PAK5: variants seen among roughly 807,000 people sequenced by gnomAD.
PAK5 encodes the protein serine/threonine-protein kinase PAK 5.
In PAK5, 16 loss-of-function variants were observed where a neutral mutation model predicts 65.9. The observed-to-expected ratio is 0.24, with a 90% CI of 0.16 to 0.37. The LOEUF is 0.37. PAK5 is among the 10% of genes least tolerant of loss of function. PAK5 has a pLI of 1.00. For missense variants in PAK5, 785 were observed against 903.9 expected (o/e 0.87, Z 1.69); for synonymous variants, 371 against 354.9 (o/e 1.05, Z -0.51).
intron 3 of PAK5, among the ~76,000 whole-genome samples, chr20:9,585,482 C>G (rs1384521854): frequency 6.6e-6 from 1 of 152,158 alleles, no homozygotes; most frequent in Non-Finnish European, 1.5e-5. Context: ...ACATCACAAC[C>G]CAGCAAATTG....
chr20:9,826,094 G>T (rs538848814), intron 1 of PAK5, among the ~76,000 whole-genome samples: 1 of 152,292 alleles, frequency 6.6e-6, no homozygotes, highest in African/African-American at 2.4e-5. Flanking sequence ...TACAGCAAAT[G>T]ATTGCCATGA....
chr20:9,666,015 G>A (rs991226721), intron 2 of PAK5, among the ~76,000 whole-genome samples: 3 of 152,102 alleles, frequency 2.0e-5, no homozygotes. Flanking sequence ...ATAGGATGTT[G>A]TAAGACTCTT....
chr20:9,572,844 A>G (rs1371039459), intron 4 of PAK5, among the ~76,000 whole-genome samples: 1 of 152,188 alleles, frequency 6.6e-6, no homozygotes, highest in Non-Finnish European at 1.5e-5. Context: ...GATTTTGTGA[A>G]CGAGTAACTC....
At chr20:9,624,228 A>T (rs1235304540) in intron 3 of PAK5, among the ~76,000 whole-genome samples, 1 of 152,200 alleles carries the variant, frequency 6.6e-6, no homozygotes, top group East Asian at 1.9e-4. Flanking sequence ...GGCATAGGAG[A>T]ACTGTATCAG....
At chr20:9,799,939 C>CAAAAAA (rs71331383) in intron 1 of PAK5, among the ~76,000 whole-genome samples, 2 of 43,660 alleles carry the variant, frequency 4.6e-5, no homozygotes, top group Non-Finnish European at 9.1e-5. Context: ...ACTCTGTCTC[C>CAAAAAA]AAAAAAAAAA....
At chr20:9,694,317 TGTTTG>T (rs2047839064) in intron 2 of PAK5, among the ~76,000 whole-genome samples, 1 of 30,972 alleles carries the variant, frequency 3.2e-5, no homozygotes, top group Non-Finnish European at 4.9e-5. Flanking sequence ...TGTGTGTGTG[TGTTTG>T]TGTGTGTGTG....
At chr20:9,621,126 G>A (rs1478147558) in intron 3 of PAK5, among the ~76,000 whole-genome samples, 1 of 152,030 alleles carries the variant, frequency 6.6e-6, no homozygotes, top group East Asian at 1.9e-4. Flanking sequence ...CTGGAAATAG[G>A]CAATTCAAAG....
At chr20:9,570,656 T>C (rs545877894) in intron 4 of PAK5, among the ~76,000 whole-genome samples, 1 of 152,346 alleles carries the variant, frequency 6.6e-6, no homozygotes, top group Admixed American at 6.5e-5. Flanking sequence ...TTTTGGCTTT[T>C]ATTTCTGAAA....
intron 1 of PAK5, among the ~76,000 whole-genome samples, chr20:9,758,583 C>G (rs1305209552): frequency 3.3e-5 from 5 of 152,100 alleles, no homozygotes; most frequent in Non-Finnish European, 7.4e-5. Flanking sequence ...CTTGTTTCAG[C>G]CCCACTACCA....
chr20:9,766,717 C>A (rs2048772681), intron 1 of PAK5, among the ~76,000 whole-genome samples: 1 of 151,450 alleles, frequency 6.6e-6, no homozygotes. Flanking sequence ...TGAAACTAAT[C>A]TAAGATGTTA....
At chr20:9,690,236 C>T (rs77858816) in intron 2 of PAK5, among the ~76,000 whole-genome samples, 3,787 of 152,266 alleles carry the variant, frequency 0.025, 102 homozygotes, top group African/African-American at 0.065. Context: ...AGCGACACAC[C>T]ATCTAAAATG....
intron 1 of PAK5, among the ~76,000 whole-genome samples, chr20:9,767,627 T>C (rs1033232544): frequency 1.3e-5 from 2 of 152,160 alleles, no homozygotes; most frequent in Admixed American, 1.3e-4. Flanking sequence ...CAGGCAATAT[T>C]TAAGCTTTCT....
chr20:9,704,957 G>A (rs2047987462), intron 2 of PAK5, among the ~76,000 whole-genome samples: 1 of 152,184 alleles, frequency 6.6e-6, no homozygotes, highest in Non-Finnish European at 1.5e-5. Flanking sequence ...TTTCCCACAG[G>A]AGCAAGACGC....
At chr20:9,608,930 T>C (rs2225471) in intron 3 of PAK5, among the ~76,000 whole-genome samples, 84,623 of 152,110 alleles carry the variant, frequency 0.56, 25,336 homozygotes, top group African/African-American at 0.79. Context: ...AAGGAAAACC[T>C]TAGAAATGAA....
chr20:9,715,813 A>G (rs894087057), intron 1 of PAK5, among the ~76,000 whole-genome samples: 2 of 149,736 alleles, frequency 1.3e-5, no homozygotes, highest in South Asian at 2.2e-4. Flanking sequence ...ACCAAACACC[A>G]TATGTTCTCA....
At chr20:9,637,131 G>GT (rs2046991888) in intron 3 of PAK5, among the ~76,000 whole-genome samples, 3 of 152,110 alleles carry the variant, frequency 2.0e-5, no homozygotes, top group Admixed American at 6.5e-5. Flanking sequence ...CTCTAGAGTA[G>GT]CCGGGATGAC....
intron 1 of PAK5, among the ~76,000 whole-genome samples, chr20:9,740,376 GCT>G (rs1331538883): frequency 4.6e-5 from 7 of 152,092 alleles, no homozygotes; most frequent in Admixed American, 1.3e-4. Context: ...AAGAGGCCTG[GCT>G]CTGTCTTTTT....
At chr20:9,611,342 C>T (rs903943784) in intron 3 of PAK5, among the ~76,000 whole-genome samples, 1 of 152,180 alleles carries the variant, frequency 6.6e-6, no homozygotes, top group Non-Finnish European at 1.5e-5. Flanking sequence ...GGTGTCCCTG[C>T]CCCCACCCAA....
At chr20:9,766,178 C>T (rs556921451) in intron 1 of PAK5, among the ~76,000 whole-genome samples, 24 of 149,190 alleles carry the variant, frequency 1.6e-4, no homozygotes, top group South Asian at 6.4e-4. Context: ...GCTGAGATTG[C>T]GCCACTATAC....
Sources: gnomAD v4.1 joint callset for allele counts (sites outside exome capture counted in the v4.1 genomes callset) on GRCh38, gnomAD v4.1.1 for gene constraint, MANE v1.5 for transcripts, NCBI Gene and HGNC (gene_info 2026-07-23, HGNC 2026-07-21) for gene names.